FOXP1: variants seen among roughly 807,000 people sequenced by gnomAD.
The protein encoded by FOXP1 is forkhead box protein P1.
FOXP1 carries 15 observed loss-of-function variants against 98.2 expected under a neutral mutation model. The ratio of observed to expected loss-of-function variants is 0.15; its 90% CI spans 0.10 to 0.24. FOXP1 has a LOEUF of 0.24. Ranked by LOEUF, FOXP1 falls within the 10% of genes least tolerant of loss-of-function variation. FOXP1 has a pLI of 1.00. For synonymous variants in FOXP1, 371 were observed against 314.5 expected, an observed-to-expected ratio of 1.18 and a Z score of -1.90; for missense variants, 633 against 848.5, an observed-to-expected ratio of 0.75 and a Z score of 3.15.
At chr3:71,281,422 T>TCAAAAAACA (rs2071552411) in intron 5 of FOXP1, among the ~76,000 whole-genome samples, 1 of 152,054 alleles carries the variant, frequency 6.6e-6, no homozygotes, top group Non-Finnish European at 1.5e-5. Context: ...TCAAAACACA[T>TCAAAAAACA]CTGAGTGGTG....
At chr3:70,990,624 T>C (rs1382060636) in intron 13 of FOXP1, among the ~76,000 whole-genome samples, 1 of 152,126 alleles carries the variant, frequency 6.6e-6, no homozygotes, top group Non-Finnish European at 1.5e-5. Context: ...CCACTAAAAT[T>C]TGGTTGGCAA....
At chr3:71,165,247 T>TA (rs34841115) in intron 6 of FOXP1, among the ~76,000 whole-genome samples, 72,233 of 136,550 alleles carry the variant, frequency 0.53, 19,939 homozygotes, top group Non-Finnish European at 0.62. Flanking sequence ...TATTTTTTTG[T>TA]AAAAAAAAAA....
At chr3:71,554,603 T>C (rs943051033) in intron 2 of FOXP1, among the ~76,000 whole-genome samples, 3 of 152,220 alleles carry the variant, frequency 2.0e-5, no homozygotes, top group African/African-American at 7.2e-5. Flanking sequence ...TCCAATGGTA[T>C]TAATGTGAAG....
intron 19 of FOXP1, chr3:70,968,873 C>G (rs561053162): frequency 6.6e-6 from 1 of 152,148 alleles, no homozygotes; most frequent in Non-Finnish European, 1.5e-5. Context: ...GTCTACTGAT[C>G]AGGGATCCAA....
At chr3:71,311,427 C>T (rs1364688031) in intron 4 of FOXP1, among the ~76,000 whole-genome samples, 1 of 152,182 alleles carries the variant, frequency 6.6e-6, no homozygotes, top group Non-Finnish European at 1.5e-5. Flanking sequence ...AGTGGCTACG[C>T]AGGGTAGGTG....
chr3:71,128,586 C>T lies in FOXP1; in HGVS notation c.181-15949G>A, dbSNP rs1002015600. ...GCCACAGACACTATGGTATACTTTC[C>T]TTTAGTTGAGCTATTCATGTTTAGC... On this transcript the variant is annotated intron_variant, in intron 6 of 20. Coordinates refer to ENST00000649528, the MANE Select transcript of FOXP1 (RefSeq NM_001349338.3). 9.5e-4 allele frequency among the ~76,000 whole-genome samples: 145 copies of T among 152,122 alleles called. 1 individual carries two copies. Among genetic ancestry groups the T allele is most frequent in the Non-Finnish European group, 1.9e-3 (130 of 68,026 alleles).
At chr3:71,086,066 G>A (rs1183956655) in intron 7 of FOXP1, among the ~76,000 whole-genome samples, 1 of 151,996 alleles carries the variant, frequency 6.6e-6, no homozygotes, top group Admixed American at 6.6e-5. Context: ...TTTCTATTTT[G>A]CCCAAGGTCA....
At chr3:71,361,119 G>A (rs2078534347) in intron 3 of FOXP1, among the ~76,000 whole-genome samples, 1 of 152,204 alleles carries the variant, frequency 6.6e-6, no homozygotes, top group Non-Finnish European at 1.5e-5. Flanking sequence ...TTAAGAGTAT[G>A]ATAAGAATGC....
chr3:71,026,641 G>GA (rs1172611153), intron 11 of FOXP1, among the ~76,000 whole-genome samples: 9 of 152,298 alleles, frequency 5.9e-5, no homozygotes, highest in Non-Finnish European at 1.3e-4. Context: ...CCAATGGTAA[G>GA]AACCTGAGGC....
chr3:71,041,556 T>G (rs1407976903), intron 10 of FOXP1, 24 bp from the exon 11 acceptor site: 5 of 1,602,238 alleles, frequency 3.1e-6, no homozygotes, highest in Non-Finnish European at 3.4e-6. Context: ...ATTGGATAAT[T>G]AAATCAATTA....
chr3:71,027,557 T>A (rs2046294851), intron 11 of FOXP1, among the ~76,000 whole-genome samples: 1 of 152,220 alleles, frequency 6.6e-6, no homozygotes, highest in South Asian at 2.1e-4. Context: ...CTTCTCTACA[T>A]TTAATTCAGC....
intron 3 of FOXP1, among the ~76,000 whole-genome samples, chr3:71,365,047 C>CAA (rs760595499): frequency 6.6e-5 from 10 of 152,202 alleles, no homozygotes; most frequent in Non-Finnish European, 1.5e-4. Context: ...CACATGTAAA[C>CAA]AAGTGGGTGT....
intron 4 of FOXP1, among the ~76,000 whole-genome samples, chr3:71,321,915 C>G (rs953168985): frequency 3.9e-5 from 6 of 152,180 alleles, no homozygotes; most frequent in African/African-American, 1.2e-4. Flanking sequence ...CCACTGTGCC[C>G]AGCCTCAATG....
intron 4 of FOXP1, among the ~76,000 whole-genome samples, chr3:71,315,518 A>G (rs1333840623): frequency 1.3e-5 from 2 of 152,146 alleles, no homozygotes; most frequent in Non-Finnish European, 2.9e-5. Context: ...TACTAAGTGG[A>G]AGGAATAAGG....
intron 6 of FOXP1, among the ~76,000 whole-genome samples, chr3:71,180,240 G>A (rs537637893): frequency 2.0e-5 from 3 of 151,650 alleles, no homozygotes; most frequent in African/African-American, 4.9e-5. Flanking sequence ...AAATCAACAC[G>A]GGCCACAAGA....
At chr3:71,125,955 T>C (rs981898072) in intron 6 of FOXP1, among the ~76,000 whole-genome samples, 1 of 152,154 alleles carries the variant, frequency 6.6e-6, no homozygotes, top group African/African-American at 2.4e-5. Context: ...TCAATAAGAA[T>C]GGGAGGAACT....
At chr3:71,199,089 G>A (rs572604250) in intron 5 of FOXP1, among the ~76,000 whole-genome samples, 1 of 148,958 alleles carries the variant, frequency 6.7e-6, no homozygotes, top group Admixed American at 6.8e-5. Flanking sequence ...ACATGTGCAG[G>A]CACTATTTGT....
intron 6 of FOXP1, among the ~76,000 whole-genome samples, chr3:71,171,449 A>C (rs1312563393): frequency 6.6e-6 from 1 of 152,192 alleles, no homozygotes; most frequent in Non-Finnish European, 1.5e-5. Flanking sequence ...CAATCCCGTA[A>C]ACAGGCATTT....
At chr3:71,338,265 G>T (rs1172688400) in intron 4 of FOXP1, among the ~76,000 whole-genome samples, 5 of 152,312 alleles carry the variant, frequency 3.3e-5, no homozygotes, top group Admixed American at 6.5e-5. Flanking sequence ...GAACAAATAG[G>T]TACAAAGGCA....
Sources: allele counts gnomAD v4.1 joint callset (sites outside exome capture counted in the v4.1 genomes callset), GRCh38; gene constraint gnomAD v4.1.1; transcripts MANE v1.5; gene names NCBI Gene and HGNC (gene_info 2026-07-23, HGNC 2026-07-21).